The following SLC44A3 variants were observed in gnomAD, a reference collection of about 807,000 sequenced individuals.
SLC44A3 encodes solute carrier family 44 member 3.
In SLC44A3, 74 loss-of-function variants were observed where a neutral mutation model predicts 75.4. The ratio of observed to expected loss-of-function variants is 0.98; its 90% CI spans 0.81 to 1.19. SLC44A3 has a LOEUF of 1.19. Ranked by LOEUF, SLC44A3 falls within the 50% of genes most tolerant of loss-of-function variation. SLC44A3 has a pLI of 0.00. For missense variants in SLC44A3, 700 were observed against 778.6 expected, an observed-to-expected ratio of 0.90 and a Z score of 1.20; for synonymous variants, 310 against 296.9, an observed-to-expected ratio of 1.04 and a Z score of -0.45.
At chr1:94,847,296 C>G (rs183139040) in intron 9 of SLC44A3, among the ~76,000 whole-genome samples, 1 of 152,322 alleles carries the variant, frequency 6.6e-6, no homozygotes, top group Admixed American at 6.5e-5. Context: ...TCTGCCCTTG[C>G]TTCCACCTCA....
At chr1:94,845,615 G>C (rs1664306884) in intron 9 of SLC44A3, 151 bp downstream of exon 9, 2 of 621,298 alleles carry the variant, frequency 3.2e-6, no homozygotes, top group Non-Finnish European at 5.1e-6. Context: ...CTCTGTCATG[G>C]GGAAAAGTGG....
chr1:94,848,391 G>A (rs938756014), intron 9 of SLC44A3, among the ~76,000 whole-genome samples: 73 of 152,304 alleles, frequency 4.8e-4, no homozygotes, highest in African/African-American at 1.5e-3. Context: ...GGTGGTGGCA[G>A]TGGCCCTGGG....
At position 94,845,394 on chromosome 1, in the gene SLC44A3, G is replaced by A. The variant is rs768463743; in HGVS notation, c.1002G>A (p.Leu334=). The change falls in exon 9 of 15, where the codon CTG becomes CTA. Residue 334 remains leucine (L), a synonymous_variant. Coordinates refer to ENST00000271227, the MANE Select transcript of SLC44A3 (RefSeq NM_001114106.3). ...CTCCCTTCCTGCTGTTCCAGCCACT[G>A]TGGACATTTGCCATCCTCATTTTCT... The part of the protein sequence containing the change: ...SSAPFLLFQP[L]WTFAILIFFW... The A allele has an allele frequency of 6.2e-7, 1 of 1,614,090 alleles. No homozygotes were observed. Among genetic ancestry groups the A allele is most frequent in the Non-Finnish European group, 8.5e-7 (1 of 1,180,028 alleles).
intron 11 of SLC44A3, among the ~76,000 whole-genome samples, chr1:94,866,107 G>T (rs781646856): frequency 1.2e-4 from 18 of 152,294 alleles, no homozygotes; most frequent in Non-Finnish European, 2.5e-4. Context: ...CCTGCATTTT[G>T]AAATCAATCC....
In SLC44A3 at chr1:94,891,116, C is replaced by G. The variant is rs369341547; in HGVS notation, c.1483-14C>G. ...TATAAGAATTATCTTTTAAACAATT[C>G]TCTTCTGTTTCAGAATGCATATACT... On this transcript the variant is annotated splice_polypyrimidine_tract_variant and intron_variant, in intron 12 of 14. Transcript: ENST00000271227. 1.3e-6 allele frequency: 2 copies of G among 1,585,728 alleles called. No individual in the cohort carries two copies. The highest frequency in any genetic ancestry group is 1.7e-6 in the Non-Finnish European group (2 of 1,167,444).
intron 9 of SLC44A3, 22 bp downstream of exon 9, chr1:94,845,486 T>A (rs1303594114): frequency 1.3e-6 from 2 of 1,593,758 alleles, no homozygotes; most frequent in Admixed American, 3.4e-5. Context: ...TGGGTGTGGG[T>A]TCCATCACCT....
At chr1:94,825,197 G>A (rs1334300786) in intron 3 of SLC44A3, among the ~76,000 whole-genome samples, 1 of 152,242 alleles carries the variant, frequency 6.6e-6, no homozygotes, top group Non-Finnish European at 1.5e-5. Flanking sequence ...AGAAAGGGGA[G>A]AGAAGAGATG....
chr1:94,857,358 G>A lies in SLC44A3; in HGVS notation c.1096G>A (p.Gly366Ser), dbSNP rs750325501. ...TAGAAQVMEG[G>S]QVEYKPLSGI... is the part of the protein sequence containing the mutation. ...AGGAGCTGCCCAGGTTATGGAAGGCGGCCAAGTGGAATATAAGCCCCTTTC... is the reference window on the plus strand; with the variant it reads ...AGGAGCTGCCCAGGTTATGGAAGGCAGCCAAGTGGAATATAAGCCCCTTTC... The change falls in exon 10 of 15, where the codon GGC (glycine) becomes AGC (serine). Residue 366 changes from glycine to serine, a missense_variant. Gly to Ser is a moderately conservative substitution (Grantham distance 56, BLOSUM62 0). Transcript: ENST00000271227. 28 of 1,610,454 alleles carry A rather than the reference G, an allele frequency of 1.7e-5. No individual in the cohort carries two copies. The highest frequency in any genetic ancestry group is 7.8e-5 in the South Asian group (7 of 90,086).
intron 12 of SLC44A3, among the ~76,000 whole-genome samples, chr1:94,878,735 A>G (rs1432011504): frequency 6.6e-6 from 1 of 152,230 alleles, no homozygotes; most frequent in African/African-American, 2.4e-5. Context: ...TGCTACATAG[A>G]TCTATAGACC....
intron 5 of SLC44A3, among the ~76,000 whole-genome samples, chr1:94,834,272 A>G (rs1405014896): frequency 6.6e-6 from 1 of 152,166 alleles, no homozygotes; most frequent in Non-Finnish European, 1.5e-5. Flanking sequence ...GTCTGGTATC[A>G]TCATCCTGTA....
At chr1:94,866,617 T>C (rs571649422) in intron 11 of SLC44A3, among the ~76,000 whole-genome samples, 3 of 152,180 alleles carry the variant, frequency 2.0e-5, no homozygotes, top group Non-Finnish European at 4.4e-5. Flanking sequence ...CCAATTGAAT[T>C]CACATTGGGA....
intron 3 of SLC44A3, 156 bp from the exon 4 acceptor site, chr1:94,827,351 T>TAG: frequency 1.2e-6 from 1 of 854,086 alleles, no homozygotes; most frequent in South Asian, 1.7e-5. Flanking sequence ...TGACCACCAG[T>TAG]AGGCATCATA....
At chr1:94,825,885 C>G in intron 3 of SLC44A3, 1 of 456,252 alleles carries the variant, frequency 2.2e-6, no homozygotes, top group Non-Finnish European at 4.4e-6. Context: ...TGCCCATGTG[C>G]TCCCATTTCA....
chr1:94,850,656 C>T (rs965080055), intron 9 of SLC44A3, among the ~76,000 whole-genome samples: 3 of 152,100 alleles, frequency 2.0e-5, no homozygotes, highest in Admixed American at 6.5e-5. Flanking sequence ...TCCTTTTTGC[C>T]ATTTTTGCAA....
chr1:94,879,577 T>C (rs1350449533), intron 12 of SLC44A3, among the ~76,000 whole-genome samples: 2 of 143,440 alleles, frequency 1.4e-5, no homozygotes, highest in Non-Finnish European at 3.0e-5. Context: ...CAGTGGTTCA[T>C]GCCTGTAATC....
chr1:94,891,770 A>T (rs1486692905), intron 13 of SLC44A3, among the ~76,000 whole-genome samples: 1 of 152,084 alleles, frequency 6.6e-6, no homozygotes, highest in Non-Finnish European at 1.5e-5. Flanking sequence ...TAAAAATACA[A>T]AAATTAGCCG....
chr1:94,894,100 C>T (rs1670511551), intron 14 of SLC44A3, among the ~76,000 whole-genome samples: 2 of 151,584 alleles, frequency 1.3e-5, no homozygotes, highest in Non-Finnish European at 2.9e-5. Flanking sequence ...GTCTCCACCA[C>T]CTCCCCCCCA....
chr1:94,885,446 C>T (rs945041231), intron 12 of SLC44A3, among the ~76,000 whole-genome samples: 3 of 152,206 alleles, frequency 2.0e-5, no homozygotes, highest in East Asian at 1.9e-4. Context: ...TGGTGGAAGC[C>T]GTTCCGCAAG....
intron 11 of SLC44A3, among the ~76,000 whole-genome samples, chr1:94,866,822 T>C (rs1667217635): frequency 6.6e-6 from 1 of 152,210 alleles, no homozygotes; most frequent in Admixed American, 6.5e-5. Flanking sequence ...GAGTAATTTA[T>C]CCCTCGAAAT....
Sources: gnomAD v4.1 joint callset for allele counts (sites outside exome capture counted in the v4.1 genomes callset) on GRCh38, gnomAD v4.1.1 for gene constraint, MANE v1.5 for transcripts, NCBI Gene and HGNC (gene_info 2026-07-23, HGNC 2026-07-21) for gene names.